CELF2: variants seen among roughly 807,000 people sequenced by gnomAD.
CELF2 encodes CUGBP Elav-like family member 2, also known as CUG triplet repeat RNA-binding protein 2.
Under a neutral mutation model 62.6 loss-of-function variants are expected in CELF2, and 8 were observed. The ratio of observed to expected loss-of-function variants is 0.13; its 90% CI spans 0.07 to 0.23. The LOEUF is 0.23. CELF2 is among the 10% of genes least tolerant of loss of function. The pLI is 1.00. For missense variants in CELF2, 333 were observed against 671.0 expected, an observed-to-expected ratio of 0.50 and a Z score of 5.56; for synonymous variants, 258 against 250.0, an observed-to-expected ratio of 1.03 and a Z score of -0.30.
chr10:10,621,699 A>G, the CELF2 span, among the ~76,000 whole-genome samples: 1 of 152,182 alleles, frequency 6.6e-6, no homozygotes, highest in African/African-American at 2.4e-5. Context: ...AGAGACAAGA[A>G]GCAACTCTGC....
the CELF2 span, among the ~76,000 whole-genome samples, chr10:10,595,812 C>T: frequency 1.3e-5 from 2 of 152,162 alleles, no homozygotes; most frequent in Non-Finnish European, 1.5e-5. Context: ...AGGCAAATTG[C>T]TTGAGCCCAG....
intron 9 of CELF2, among the ~76,000 whole-genome samples, chr10:11,292,059 C>A (rs748625245): frequency 3.9e-5 from 6 of 152,204 alleles, no homozygotes; most frequent in Non-Finnish European, 8.8e-5. Context: ...GGATCATAGA[C>A]TGGTTCTTCC....
chr10:11,120,463 A>G (rs2057509247), intron 1 of CELF2, among the ~76,000 whole-genome samples: 2 of 152,210 alleles, frequency 1.3e-5, no homozygotes, highest in African/African-American at 4.8e-5. Flanking sequence ...CCAAGAGAGC[A>G]TAAGATTTCA....
Position 11,332,458 on chromosome 10 carries a change from C to CTAAG in CELF2, c.*3409_*3412dup, listed in dbSNP as rs146288105. The CTAAG allele has an allele frequency of 0.01, 1,538 of 152,738 alleles. 25 individuals carry two copies. Among genetic ancestry groups the CTAAG allele is most frequent in the Middle Eastern group, 0.072 (21 of 292 alleles). The allele number at this position is 152,738 out of a possible 1,614,324, so 9.5% of individuals were successfully genotyped here. On this transcript the variant is annotated 3_prime_UTR_variant, in exon 13 of 13. Transcript: ENST00000633077. ...GTTTTTTTAATTGAACACATTTCATCTAAGTAAAGCTCAGTTCTTTATCAC... is the reference window on the plus strand; with the variant it reads ...GTTTTTTTAATTGAACACATTTCATCTAAGTAAGTAAAGCTCAGTTCTTTATCAC...
At chr10:11,167,143 A>G (rs937092840) in intron 2 of CELF2, among the ~76,000 whole-genome samples, 1 of 152,278 alleles carries the variant, frequency 6.6e-6, no homozygotes, top group African/African-American at 2.4e-5. Context: ...TGAGCGCAAT[A>G]TTAAATACCT....
intron 1 of CELF2, among the ~76,000 whole-genome samples, chr10:11,164,797 C>T (rs2066572039): frequency 6.6e-6 from 1 of 152,074 alleles, no homozygotes; most frequent in Admixed American, 6.5e-5. Context: ...CAGCTCCGGC[C>T]TTTTTCTCCA....
At chr10:11,287,500 A>C (rs951191641) in intron 8 of CELF2, among the ~76,000 whole-genome samples, 4 of 152,192 alleles carry the variant, frequency 2.6e-5, no homozygotes, top group Non-Finnish European at 5.9e-5. Context: ...GCTAATTTTC[A>C]TTTCTATTTT....
At chr10:10,818,304 C>A (rs1352134007) in intron 1 of CELF2, among the ~76,000 whole-genome samples, 1 of 152,096 alleles carries the variant, frequency 6.6e-6, no homozygotes, top group Non-Finnish European at 1.5e-5. Context: ...CAGTCACATG[C>A]ACCAGACTCC....
chr10:10,676,819 T>C, the CELF2 span, among the ~76,000 whole-genome samples: 1 of 152,160 alleles, frequency 6.6e-6, no homozygotes, highest in Non-Finnish European at 1.5e-5. Flanking sequence ...TACTTGTTAT[T>C]AGGGGGGAGT....
intron 1 of CELF2, among the ~76,000 whole-genome samples, chr10:10,837,870 G>C (rs138837589): frequency 1.2e-3 from 181 of 152,236 alleles, no homozygotes; most frequent in African/African-American, 4.2e-3. Context: ...AAATATAGCA[G>C]AAAGAAATTC....
chr10:11,112,962 T>C (rs544529152), intron 1 of CELF2, among the ~76,000 whole-genome samples: 1 of 152,136 alleles, frequency 6.6e-6, no homozygotes, highest in Admixed American at 6.5e-5. Context: ...CATTTCCACA[T>C]GCGTAGCCTA....
chr10:11,137,366 C>A (rs2060602592), intron 1 of CELF2, among the ~76,000 whole-genome samples: 1 of 152,182 alleles, frequency 6.6e-6, no homozygotes, highest in African/African-American at 2.4e-5. Flanking sequence ...AAGGCATATT[C>A]TTTGGGAGTT....
At chr10:10,779,209 CT>C in the CELF2 span, among the ~76,000 whole-genome samples, 2 of 152,188 alleles carry the variant, frequency 1.3e-5, no homozygotes, top group African/African-American at 2.4e-5. Context: ...AACAGCGTAT[CT>C]CCAAGGTTTA....
the CELF2 span, among the ~76,000 whole-genome samples, chr10:10,630,865 A>T: frequency 6.6e-6 from 1 of 152,192 alleles, no homozygotes; most frequent in Admixed American, 6.5e-5. Context: ...ATTCAAAGAG[A>T]TGGCTCCCAA....
chr10:10,539,853 A>G, the CELF2 span, among the ~76,000 whole-genome samples: 2 of 152,356 alleles, frequency 1.3e-5, no homozygotes, highest in South Asian at 4.1e-4. Context: ...GGCTACCTGA[A>G]GCAGAAAGTA....
chr10:11,124,928 A>T (rs1454331811), intron 1 of CELF2, among the ~76,000 whole-genome samples: 1 of 152,130 alleles, frequency 6.6e-6, no homozygotes, highest in East Asian at 1.9e-4. Context: ...GATGGGGGAG[A>T]AAAAATGTTG....
chr10:10,929,667 GTAA>G (rs756061704), intron 2 of CELF2: 3 of 152,166 alleles, frequency 2.0e-5, no homozygotes, highest in Non-Finnish European at 4.4e-5. Context: ...TGTAAAATGG[GTAA>G]TAATAGGGCC....
chr10:11,215,051 T>C (rs1037223496), intron 2 of CELF2, among the ~76,000 whole-genome samples: 1 of 152,230 alleles, frequency 6.6e-6, no homozygotes, highest in Non-Finnish European at 1.5e-5. Context: ...CTAAGAACTT[T>C]GTTCAAGAGG....
Position 11,102,008 on chromosome 10 carries a change from C to G in CELF2, c.75-63478C>G, listed in dbSNP as rs560745665. 4 of 152,168 alleles carry G rather than the reference C, an allele frequency of 2.6e-5. No individual in the cohort carries two copies. In the East Asian group the frequency reaches 7.7e-4, roughly 29 times the overall value. 9.4% of individuals were successfully genotyped at this position (152,168 alleles called of 1,614,324 possible). Reference sequence around the variant, plus strand: ...TGTTTTTAAGGGTGTTTTTTTCTTTCATATAGAAGCATCATGGGCCTTTAC... The same window carrying G: ...TGTTTTTAAGGGTGTTTTTTTCTTTGATATAGAAGCATCATGGGCCTTTAC... On this transcript the variant is annotated intron_variant, in intron 1 of 12. Coordinates refer to ENST00000633077, the MANE Select transcript of CELF2 (RefSeq NM_001326342.2).
Sources: gnomAD v4.1 joint callset for allele counts (sites outside exome capture counted in the v4.1 genomes callset) on GRCh38, gnomAD v4.1.1 for gene constraint, MANE v1.5 for transcripts, NCBI Gene and HGNC (gene_info 2026-07-23, HGNC 2026-07-21) for gene names.